The following FPR3 variants were observed in gnomAD, a reference collection of about 807,000 sequenced individuals.
FPR3 encodes N-formyl peptide receptor 3.
For missense variants in FPR3, 346 were observed against 443.2 expected (o/e 0.78, Z 1.97); for synonymous variants, 135 against 163.6 (o/e 0.83, Z 1.34).
chr19:51,810,921 G>A (rs1013233764), intron 1 of FPR3, among the ~76,000 whole-genome samples: 8 of 152,208 alleles, frequency 5.3e-5, no homozygotes, highest in Non-Finnish European at 7.3e-5. Context: ...TATGGCAGCA[G>A]AGCATAAAAT....
chr19:51,812,371 T>A (rs967927523), intron 1 of FPR3, among the ~76,000 whole-genome samples: 1 of 152,130 alleles, frequency 6.6e-6, no homozygotes, highest in Non-Finnish European at 1.5e-5. Flanking sequence ...AAATAAAAAA[T>A]ATCACAAAGA....
chr19:51,812,268 A>G (rs1272319427), intron 1 of FPR3, among the ~76,000 whole-genome samples: 1 of 152,218 alleles, frequency 6.6e-6, no homozygotes, highest in Non-Finnish European at 1.5e-5. Flanking sequence ...CAATAATTAA[A>G]ATTTGTTAAA....
Position 51,825,255 on chromosome 19 carries a change from G to T in FPR3, c.*445G>T, listed in dbSNP as rs1471064900. 1 of 175,506 alleles carries T rather than the reference G, an allele frequency of 5.7e-6. No homozygotes were observed. The highest frequency in any genetic ancestry group is 2.4e-5 in the African/African-American group (1 of 41,496). 10.9% of individuals were successfully genotyped at this position (175,506 alleles called of 1,614,324 possible). ...GTTTATTATAAAAGATACTACAAAG[G>T]ATACAGATGAAGAGGCACATAGGGC... is the stretch of plus-strand genomic sequence containing the variant. On this transcript the variant is annotated 3_prime_UTR_variant, in exon 2 of 2. Transcript: ENST00000339223.
At chr19:51,799,223 T>A (rs561165924) in intron 1 of FPR3, among the ~76,000 whole-genome samples, 9 of 152,228 alleles carry the variant, frequency 5.9e-5, no homozygotes, top group African/African-American at 1.9e-4. Context: ...GGCCTCCAGA[T>A]GTCTCATGTA....
intron 1 of FPR3, among the ~76,000 whole-genome samples, chr19:51,795,703 C>CG (rs1251865560): frequency 6.6e-6 from 1 of 151,332 alleles, no homozygotes; most frequent in Admixed American, 6.6e-5. Context: ...TTAGTAGAGA[C>CG]GGGGTTTCAA....
intron 1 of FPR3, among the ~76,000 whole-genome samples, chr19:51,816,763 T>C (rs576503418): frequency 6.6e-6 from 1 of 152,320 alleles, no homozygotes; most frequent in Admixed American, 6.5e-5. Flanking sequence ...TTGTGCGATC[T>C]GATGCTATCT....
chr19:51,797,467 C>T (rs973855563), intron 1 of FPR3, among the ~76,000 whole-genome samples: 5 of 152,136 alleles, frequency 3.3e-5, no homozygotes, highest in Non-Finnish European at 7.4e-5. Context: ...AGTAGAAATA[C>T]AATTTTCAAT....
chr19:51,817,952 T>TTTGTG (rs1568431331), intron 1 of FPR3: 1 of 152,042 alleles, frequency 6.6e-6, no homozygotes. Flanking sequence ...AAATACAGCT[T>TTTGTG]TTTTGTTTTG....
At position 51,823,917 on chromosome 19, in the gene FPR3, C is replaced by A; in HGVS notation, c.169C>A (p.Arg57Ser). The A allele has an allele frequency of 1.9e-6, 3 of 1,614,102 alleles. No individual in the cohort carries two copies. Among genetic ancestry groups the A allele is most frequent in the South Asian group, 1.1e-5 (1 of 91,078 alleles). The change falls in exon 2 of 2, where the codon CGC (arginine) becomes AGC (serine). Residue 57 changes from arginine to serine, a missense_variant. By Grantham distance (110) the Arg-to-Ser change is moderately radical. Transcript: ENST00000339223. Reference protein sequence around the residue: ...VIWVAGFRMTRTVNTICYLNL... With the variant: ...VIWVAGFRMTSTVNTICYLNL... ...CTGGGTGGCTGGATTCCGGATGACA[C>A]GCACAGTCAACACCATCTGTTACCT...
chr19:51,824,934 C>T lies in FPR3; in HGVS notation c.*124C>T. ...CCACAATCATCAACATAAAGGAAGT[C>T]TGTACCAAATCTGTAGGGGGTTTTT... On this transcript the variant is annotated 3_prime_UTR_variant, in exon 2 of 2. Transcript: ENST00000339223. This position sits in a 1 kb window ranked among gnomAD's most constrained non-coding sequence, Gnocchi z 4.7. The T allele has an allele frequency of 6.4e-6, 5 of 783,884 alleles. No individual in the cohort carries two copies. In the South Asian group the frequency reaches 7.5e-5, roughly 12 times the overall value. The allele number at this position is 783,884 out of a possible 1,614,324, so 48.6% of individuals were successfully genotyped here.
At chr19:51,812,478 A>C (rs73566116) in intron 1 of FPR3, among the ~76,000 whole-genome samples, 1 of 152,206 alleles carries the variant, frequency 6.6e-6, no homozygotes, top group Non-Finnish European at 1.5e-5. Context: ...TGCTAATACT[A>C]TTCAATCAAG....
chr19:51,805,759 AC>A (rs2084054684), intron 1 of FPR3, among the ~76,000 whole-genome samples: 1 of 152,214 alleles, frequency 6.6e-6, no homozygotes, highest in Admixed American at 6.5e-5. Flanking sequence ...GTTACAGAGG[AC>A]ATCACAACAG....
At chr19:51,798,655 A>G (rs908199315) in intron 1 of FPR3, among the ~76,000 whole-genome samples, 3 of 152,200 alleles carry the variant, frequency 2.0e-5, no homozygotes, top group Non-Finnish European at 4.4e-5. Flanking sequence ...CTGGCTAGGT[A>G]TGATGCTGAA....
intron 1 of FPR3, among the ~76,000 whole-genome samples, 169 bp downstream of exon 1, chr19:51,795,500 C>CTTTTTTTTT (rs1568425551): frequency 1.6e-5 from 1 of 61,084 alleles, no homozygotes; most frequent in Admixed American, 1.7e-4. Flanking sequence ...GTTCCAGTAA[C>CTTTTTTTTT]ATTCTTTTTT....
intron 1 of FPR3, among the ~76,000 whole-genome samples, chr19:51,810,448 T>C (rs1162536241): frequency 6.6e-6 from 1 of 152,214 alleles, no homozygotes; most frequent in African/African-American, 2.4e-5. Context: ...AGGATTGTAC[T>C]GGGACTCCCT....
At chr19:51,815,318 C>G (rs1156679125) in intron 1 of FPR3, among the ~76,000 whole-genome samples, 1 of 151,996 alleles carries the variant, frequency 6.6e-6, no homozygotes, top group East Asian at 1.9e-4. Flanking sequence ...TCCCAGCACT[C>G]TCGAAGGCCG....
intron 1 of FPR3, among the ~76,000 whole-genome samples, chr19:51,798,481 A>T (rs1898629616): frequency 6.6e-6 from 1 of 152,338 alleles, no homozygotes; most frequent in East Asian, 1.9e-4. Context: ...AATGATAGGA[A>T]AAAAGAAGGA....
chr19:51,807,625 C>A (rs778395960), intron 1 of FPR3, among the ~76,000 whole-genome samples: 11 of 152,086 alleles, frequency 7.2e-5, no homozygotes, highest in Admixed American at 2.6e-4. Flanking sequence ...TTTGGAAGAG[C>A]CATCAGTAAA....
intron 1 of FPR3, among the ~76,000 whole-genome samples, chr19:51,812,677 A>G (rs532184115): frequency 6.6e-6 from 1 of 152,304 alleles, no homozygotes; most frequent in African/African-American, 2.4e-5. Flanking sequence ...AATGACATCC[A>G]CAGTCTCCAT....
Sources: allele counts gnomAD v4.1 joint callset (sites outside exome capture counted in the v4.1 genomes callset), GRCh38; gene constraint gnomAD v4.1.1; non-coding constraint Gnocchi (gnomAD v3.1); transcripts MANE v1.5; gene names NCBI Gene and HGNC (gene_info 2026-07-23, HGNC 2026-07-21).